ZNF83: variants seen among roughly 807,000 people sequenced by gnomAD.
ZNF83 encodes the protein zinc finger protein 816B.
For synonymous variants in ZNF83, 209 were observed against 213.0 expected, an observed-to-expected ratio of 0.98 and a Z score of 0.17; for missense variants, 552 against 629.9, an observed-to-expected ratio of 0.88 and a Z score of 1.32.
At chr19:52,618,616 C>A (rs772730268) in intron 2 of ZNF83, 2 of 336,348 alleles carry the variant, frequency 5.9e-6, no homozygotes, top group Non-Finnish European at 1.1e-5. Flanking sequence ...AGGCTAGTAT[C>A]GAACTCCTGA....
chr19:52,617,351 T>C (rs1176486584), intron 2 of ZNF83: 1 of 152,262 alleles, frequency 6.6e-6, no homozygotes, highest in Non-Finnish European at 1.5e-5. Context: ...GATAAGCAAG[T>C]GTCTTTCCTT....
intron 1 of ZNF83, among the ~76,000 whole-genome samples, chr19:52,680,956 G>C (rs1017953784): frequency 6.6e-5 from 10 of 151,662 alleles, no homozygotes; most frequent in African/African-American, 2.4e-4. Flanking sequence ...TGGATGTCTC[G>C]GTTTTATGGA....
chr19:52,614,448 T>C, exon 3 of ZNF83: 1 of 1,613,298 alleles, frequency 6.2e-7, no homozygotes, highest in Non-Finnish European at 8.5e-7. Context: ...TGTGATCATA[T>C]TTATATATTT....
rs375040912 is a variant in ZNF83 at position 52,623,653 on chromosome 19, CCT to C, written c.-233-8858_-233-8857del. ...CACCTTAACCCACAGGTATGGGACACCTCTGCTCCCTCCCTGGCAACTGATCA... is the reference window on the plus strand; with the variant it reads ...CACCTTAACCCACAGGTATGGGACACCTGCTCCCTCCCTGGCAACTGATCA... On this transcript the variant is annotated intron_variant, in intron 2 of 2. Transcript: ENST00000301096. Among the ~76,000 whole-genome samples, 8 of 152,166 alleles carry C rather than the reference CCT, an allele frequency of 5.3e-5. No individual in the cohort carries two copies. The East Asian group carries it at 1.6e-3, about 30-fold the overall frequency.
intron 1 of ZNF83, among the ~76,000 whole-genome samples, chr19:52,683,791 C>T (rs990432590): frequency 6.6e-6 from 1 of 152,146 alleles, no homozygotes; most frequent in Non-Finnish European, 1.5e-5. Context: ...GGAACATCCT[C>T]ACATTTGCCC....
rs747262769 is a variant in ZNF83, at chr19:52,614,631, T to C, written c.-67A>G. On this transcript the variant is annotated 5_prime_UTR_variant, in exon 3 of 3. Transcript: ENST00000301096. ...CTCGCTTATAATGTCTTCAATCATGTTTCCACAGACACTGAGAGTCATGTA... is the reference window on the plus strand; with the variant it reads ...CTCGCTTATAATGTCTTCAATCATGCTTCCACAGACACTGAGAGTCATGTA... The C allele has an allele frequency of 7.5e-5, 109 of 1,460,980 alleles. 1 individual carries two copies. Among genetic ancestry groups the C allele is most frequent in the Non-Finnish European group, 1.2e-5 (13 of 1,102,856 alleles). The allele number at this position is 1,460,980 out of a possible 1,614,324, so 90.5% of individuals were successfully genotyped here.
intron 1 of ZNF83, among the ~76,000 whole-genome samples, chr19:52,666,685 C>T (rs1489688823): frequency 6.7e-6 from 1 of 149,220 alleles, no homozygotes; most frequent in Non-Finnish European, 1.5e-5. Flanking sequence ...AAGTATGAGG[C>T]TATTCTGGTA....
At position 52,685,281 on chromosome 19, in the gene ZNF83, C is replaced by T. The variant is rs556729892; in HGVS notation, c.-283+5162G>A. 1.9e-4 allele frequency among the ~76,000 whole-genome samples: 29 copies of T among 152,146 alleles called. No individual in the cohort carries two copies. In the South Asian group the frequency reaches 3.1e-3, roughly 16 times the overall value. On this transcript the variant is annotated intron_variant, in intron 1 of 5. Coordinates refer to the ZNF83 transcript ENST00000594682. Reference sequence around the variant, plus strand: ...GGGCTCAGAGCGGGGACATTTTCACCGAGTTACCCTGAGAAGATCTGAGAT... The same window carrying T: ...GGGCTCAGAGCGGGGACATTTTCACTGAGTTACCCTGAGAAGATCTGAGAT...
intron 2 of ZNF83, chr19:52,616,894 G>A (rs371296140): frequency 3.3e-5 from 5 of 152,218 alleles, no homozygotes; most frequent in African/African-American, 1.2e-4. Context: ...GGACATGGAT[G>A]GAGCTGGAAG....
chr19:52,667,100 G>T (rs1404891317), intron 1 of ZNF83, among the ~76,000 whole-genome samples: 1 of 152,010 alleles, frequency 6.6e-6, no homozygotes, highest in Non-Finnish European at 1.5e-5. Flanking sequence ...TTCAACGAAA[G>T]TCAAGTTTGC....
chr19:52,620,813 C>T (rs996102279), intron 2 of ZNF83, among the ~76,000 whole-genome samples: 4 of 152,180 alleles, frequency 2.6e-5, no homozygotes, highest in African/African-American at 9.7e-5. Context: ...TCCATTATGA[C>T]TTGTTTCTGC....
At chr19:52,636,303 C>G (rs993221811) in intron 1 of ZNF83, 1 of 152,096 alleles carries the variant, frequency 6.6e-6, no homozygotes, top group East Asian at 1.9e-4. Flanking sequence ...TTGGCCAGAC[C>G]CTGTCTCTTA....
At chr19:52,683,603 A>C (rs1299479746) in intron 1 of ZNF83, among the ~76,000 whole-genome samples, 1 of 151,900 alleles carries the variant, frequency 6.6e-6, no homozygotes, top group Non-Finnish European at 1.5e-5. Context: ...TGGGAGCTGG[A>C]GTGAGGCAGT....
chr19:52,659,045 C>T (rs2061543320), intron 2 of ZNF83, among the ~76,000 whole-genome samples: 6 of 152,212 alleles, frequency 3.9e-5, no homozygotes, highest in Admixed American at 2.0e-4. Context: ...ATCTATGTGT[C>T]GGTGTACGTT....
At position 52,613,146 on chromosome 19, in the gene ZNF83, A is replaced by T. The variant is rs781301671; in HGVS notation, c.1419T>A (p.Thr473=). ...CTCCAGTGTGGATCGCATGATGATT[A>T]GTGAGGCTTGAACGCATACTAAAAG... is the stretch of plus-strand genomic sequence containing the variant. Residue 473 remains threonine, a synonymous_variant, in exon 3 of 3, where the codon ACT becomes ACA. Transcript: ENST00000301096. 3.7e-6 allele frequency: 6 copies of T among 1,612,090 alleles called. No homozygotes were observed. The African/African-American group carries it at 4.0e-5, about 11-fold the overall frequency.
chr19:52,679,389 T>A (rs1055052911), intron 1 of ZNF83, among the ~76,000 whole-genome samples: 6 of 152,096 alleles, frequency 3.9e-5, no homozygotes, highest in African/African-American at 1.4e-4. Context: ...GGTGGGTGGG[T>A]CACCTGTGGT....
At chr19:52,632,035 T>C (rs71363386) in intron 2 of ZNF83, among the ~76,000 whole-genome samples, 16 of 152,228 alleles carry the variant, frequency 1.1e-4, no homozygotes, top group East Asian at 3.9e-4. Context: ...AACTAAAATA[T>C]CTCTTAGTCT....
chr19:52,669,261 A>G (rs1428397776), intron 1 of ZNF83, among the ~76,000 whole-genome samples: 2 of 152,100 alleles, frequency 1.3e-5, no homozygotes. Flanking sequence ...GGGTCTTTTG[A>G]CTCTCACGTC....
exon 3 of ZNF83, chr19:52,613,051 C>T (rs1486957660): frequency 1.2e-6 from 2 of 1,606,192 alleles, no homozygotes; most frequent in South Asian, 1.1e-5. Context: ...GGCATGAAAT[C>T]TCTGATGACG....
Sources: gnomAD v4.1 joint callset for allele counts (sites outside exome capture counted in the v4.1 genomes callset) on GRCh38, gnomAD v4.1.1 for gene constraint, MANE v1.5 for transcripts, NCBI Gene and HGNC (gene_info 2026-07-23, HGNC 2026-07-21) for gene names.